COL24A1: variants seen among roughly 807,000 people sequenced by gnomAD.
COL24A1 encodes collagen alpha-1(XXIV) chain.
A neutral mutation model predicts 253.9 loss-of-function variants in COL24A1; 224 were observed. The ratio of observed to expected loss-of-function variants is 0.88; its 90% CI spans 0.79 to 0.99. The LOEUF (loss-of-function observed/expected upper bound fraction) is 0.99. COL24A1 is among the 50% of genes least tolerant of loss of function. The pLI, the probability that COL24A1 is intolerant of heterozygous loss-of-function variation, is 0.00. For synonymous variants in COL24A1, 685 were observed against 673.7 expected (o/e 1.02, Z -0.26); for missense variants, 2,131 against 2,068.5 (o/e 1.03, Z -0.59).
intron 37 of COL24A1, among the ~76,000 whole-genome samples, chr1:85,860,549 G>A (rs1679024545): frequency 6.6e-6 from 1 of 152,162 alleles, no homozygotes; most frequent in Non-Finnish European, 1.5e-5. Context: ...AGATCAACCT[G>A]GCTAACACGG....
chr1:85,758,594 C>T (rs1215395353), intron 55 of COL24A1, among the ~76,000 whole-genome samples: 2 of 152,070 alleles, frequency 1.3e-5, no homozygotes, highest in East Asian at 3.9e-4. Flanking sequence ...GAAACATTTC[C>T]TTTTAGCTAT....
At chr1:86,033,586 T>TAAG (rs1698759628) in intron 13 of COL24A1, among the ~76,000 whole-genome samples, 1 of 152,138 alleles carries the variant, frequency 6.6e-6, no homozygotes, top group South Asian at 2.1e-4. Context: ...CTTTCATGTA[T>TAAG]AAGAGACAGT....
At chr1:85,874,538 A>G in intron 35 of COL24A1, 111 bp downstream of exon 35, 1 of 885,680 alleles carries the variant, frequency 1.1e-6, no homozygotes, top group Non-Finnish European at 1.7e-6. Flanking sequence ...CATTTTCTAT[A>G]ATGTATCAGA....
chr1:85,842,526 A>G (rs1003875487), intron 39 of COL24A1, 133 bp from the exon 40 acceptor site: 3 of 627,874 alleles, frequency 4.8e-6, no homozygotes, highest in Non-Finnish European at 8.1e-6. Flanking sequence ...TTGAAATAGG[A>G]AAGCAAAAAA....
intron 51 of COL24A1, among the ~76,000 whole-genome samples, chr1:85,783,265 CTT>C (rs11369327): frequency 7.0e-4 from 94 of 135,208 alleles, no homozygotes; most frequent in African/African-American, 2.4e-3. Context: ...TCTGATGATT[CTT>C]TTTTTTTTTT....
At chr1:85,897,555 G>C (rs1421963003) in intron 28 of COL24A1, among the ~76,000 whole-genome samples, 1 of 152,104 alleles carries the variant, frequency 6.6e-6, no homozygotes, top group Non-Finnish European at 1.5e-5. Context: ...AAAAGGTAGA[G>C]AAAATACTAC....
chr1:85,754,608 A>T (rs1275549772), intron 55 of COL24A1, among the ~76,000 whole-genome samples: 2 of 151,584 alleles, frequency 1.3e-5, no homozygotes, highest in Non-Finnish European at 2.9e-5. Flanking sequence ...CTAAGTAGAG[A>T]ATATAATAAA....
At chr1:85,992,539 T>A (rs1282593434) in intron 19 of COL24A1, among the ~76,000 whole-genome samples, 1 of 152,144 alleles carries the variant, frequency 6.6e-6, no homozygotes, top group Non-Finnish European at 1.5e-5. Flanking sequence ...ACTCAAAATG[T>A]ACATCAAATA....
In COL24A1 at chr1:86,017,178, T is replaced by C. The variant is rs1571613427; in HGVS notation, c.2283A>G (p.Gln761=). The change falls in exon 19 of 60, where the codon CAA becomes CAG. Residue 761 remains glutamine, a synonymous_variant. Coordinates refer to ENST00000370571, the MANE Select transcript of COL24A1 (RefSeq NM_152890.7). The part of the protein sequence containing the change: ...PSGQTGDPGL[Q]GPSGPPGPEG... Reference sequence around the variant, plus strand: ...CTGGTCCTGGAGGGCCAGATGGTCCTTGGAGTCCTGGGTCACCTGTTTGGC... The same window carrying C: ...CTGGTCCTGGAGGGCCAGATGGTCCCTGGAGTCCTGGGTCACCTGTTTGGC... 1 of 1,586,822 alleles carries C rather than the reference T, an allele frequency of 6.3e-7. No homozygotes were observed. Among genetic ancestry groups the C allele is most frequent in the Non-Finnish European group, 8.5e-7 (1 of 1,170,858 alleles).
At chr1:85,977,670 CAAAG>C (rs1006049133) in intron 20 of COL24A1, among the ~76,000 whole-genome samples, 1 of 151,938 alleles carries the variant, frequency 6.6e-6, no homozygotes, top group Non-Finnish European at 1.5e-5. Context: ...CAGACAAAGA[CAAAG>C]AAAAAAGAAC....
In COL24A1 at chr1:85,868,603, A is replaced by C; in HGVS notation, c.3216T>G (p.Leu1072=). The C allele has an allele frequency of 6.2e-7, 1 of 1,613,874 alleles. No homozygotes were observed. Among genetic ancestry groups the C allele is most frequent in the Non-Finnish European group, 8.5e-7 (1 of 1,179,858 alleles). ...CTCCTTTTTCTCCATCCTCTCCAGG[A>C]AGTCCCCTTCCTCCTGGTACTCCCT... is the stretch of plus-strand genomic sequence containing the variant. The part of the protein sequence containing the change: ...GLKGVPGGRG[L]PGEDGEKGEM... Residue 1072 remains leucine, a synonymous_variant, in exon 37 of 60, where the codon CTT becomes CTG. Transcript: ENST00000370571.
At chr1:85,970,738 T>C (rs1463487591) in intron 21 of COL24A1, among the ~76,000 whole-genome samples, 1 of 152,154 alleles carries the variant, frequency 6.6e-6, no homozygotes, top group Admixed American at 6.5e-5. Flanking sequence ...AAAATATAAT[T>C]TATTGGTTCA....
intron 2 of COL24A1, among the ~76,000 whole-genome samples, chr1:86,138,666 T>C (rs1267736219): frequency 6.6e-6 from 1 of 152,176 alleles, no homozygotes; most frequent in Non-Finnish European, 1.5e-5. Context: ...GTAAGTCCAC[T>C]AAACCTCTTT....
intron 2 of COL24A1, among the ~76,000 whole-genome samples, chr1:86,141,409 A>G (rs145964544): frequency 3.9e-4 from 59 of 152,308 alleles, no homozygotes; most frequent in Middle Eastern, 6.8e-3. Context: ...GGAAAATGGA[A>G]GGGAAGCTCT....
chr1:85,894,759 T>C lies in COL24A1; in HGVS notation c.2922+1099A>G, dbSNP rs72712705. Among the ~76,000 whole-genome samples the C allele has an allele frequency of 3.8e-3, 574 of 152,330 alleles. 1 individual carries two copies. The highest frequency in any genetic ancestry group is 0.011 in the South Asian group (55 of 4,830). On this transcript the variant is annotated intron_variant, in intron 31 of 59. Coordinates refer to ENST00000370571, the MANE Select transcript of COL24A1 (RefSeq NM_152890.7). Reference sequence around the variant, plus strand: ...ATAATACAATGCCACACACAAGTTCTTTCCTAGACATAGTCATTTGTTTTC... The same window carrying C: ...ATAATACAATGCCACACACAAGTTCCTTCCTAGACATAGTCATTTGTTTTC...
At chr1:85,903,690 A>G (rs1337600570) in intron 28 of COL24A1, among the ~76,000 whole-genome samples, 1 of 152,180 alleles carries the variant, frequency 6.6e-6, no homozygotes, top group Non-Finnish European at 1.5e-5. Flanking sequence ...TAAACTAAGC[A>G]TGTTTTATAA....
chr1:86,046,378 AT>A (rs796947230), intron 12 of COL24A1, among the ~76,000 whole-genome samples: 3 of 152,020 alleles, frequency 2.0e-5, no homozygotes, highest in African/African-American at 2.4e-5. Context: ...ACTTTCCTGG[AT>A]TTTTTTTAAC....
intron 19 of COL24A1, among the ~76,000 whole-genome samples, chr1:85,992,984 C>T (rs1310316445): frequency 6.6e-6 from 1 of 151,966 alleles, no homozygotes; most frequent in African/African-American, 2.4e-5. Flanking sequence ...ATCTGTTTGC[C>T]GTACTGAGAA....
At chr1:85,831,851 A>G (rs1449544919) in intron 43 of COL24A1, among the ~76,000 whole-genome samples, 1 of 152,068 alleles carries the variant, frequency 6.6e-6, no homozygotes, top group African/African-American at 2.4e-5. Context: ...CTAGTTGGGA[A>G]GCTATTGAAA....
Sources: gnomAD v4.1 joint callset for allele counts (sites outside exome capture counted in the v4.1 genomes callset) on GRCh38, gnomAD v4.1.1 for gene constraint, MANE v1.5 for transcripts, NCBI Gene and HGNC (gene_info 2026-07-23, HGNC 2026-07-21) for gene names.